TSHZ1: variants seen among roughly 807,000 people sequenced by gnomAD.
TSHZ1 encodes the protein teashirt homolog 1.
A neutral mutation model predicts 67.1 loss-of-function variants in TSHZ1; 12 were observed. That is an observed-to-expected ratio of 0.18 (90% CI 0.11 to 0.29). The LOEUF (loss-of-function observed/expected upper bound fraction) is 0.29. Among genes scored for constraint, TSHZ1 ranks in the 10% least tolerant of loss-of-function variants. The probability of loss-of-function intolerance (pLI) is 1.00; values close to 1 mark genes in which losing one functional copy is unlikely to be tolerated. For missense variants in TSHZ1, 1,305 were observed against 1,413.9 expected, an observed-to-expected ratio of 0.92 and a Z score of 1.23; for synonymous variants, 632 against 622.4, an observed-to-expected ratio of 1.02 and a Z score of -0.23.
chr18:75,253,881 G>GT (rs1449962234), intron 1 of TSHZ1, among the ~76,000 whole-genome samples: 1 of 152,190 alleles, frequency 6.6e-6, no homozygotes, highest in Non-Finnish European at 1.5e-5. Context: ...ATACCCACCA[G>GT]TTTTTCAGAT....
intron 1 of TSHZ1, among the ~76,000 whole-genome samples, chr18:75,215,767 T>G (rs940715610): frequency 1.3e-5 from 2 of 152,206 alleles, no homozygotes; most frequent in Non-Finnish European, 2.9e-5. Flanking sequence ...GATAAACAAT[T>G]TGTCTTAGTG....
intron 1 of TSHZ1, among the ~76,000 whole-genome samples, chr18:75,260,505 C>T (rs1386120046): frequency 6.6e-6 from 1 of 152,222 alleles, no homozygotes; most frequent in African/African-American, 2.4e-5. Context: ...AGAGCACCAG[C>T]AGAATCTCTG....
At chr18:75,275,082 G>A (rs1019338081) in intron 1 of TSHZ1, among the ~76,000 whole-genome samples, 1 of 152,216 alleles carries the variant, frequency 6.6e-6, no homozygotes, top group Non-Finnish European at 1.5e-5. Flanking sequence ...AGCAGCACAG[G>A]TGCCTGGTAC....
chr18:75,286,039 C>G lies in TSHZ1; in HGVS notation c.632C>G (p.Thr211Arg). 6.2e-7 allele frequency: 1 copy of G among 1,612,962 alleles called. No individual in the cohort carries two copies. Among genetic ancestry groups the G allele is most frequent in the Non-Finnish European group, 8.5e-7 (1 of 1,179,684 alleles). ...GCACTGGCCAAGACGCTGCAGCAGA[C>G]GTCCTCGTATGGGCTGCTTCCTGAG... ...QAALAKTLQQ[T>R]SSYGLLPEPS... is the part of the protein sequence containing the mutation. The change falls in exon 2 of 2, where the codon ACG (threonine) becomes AGG (arginine). Residue 211 changes from threonine (T) to arginine (R), a missense_variant. Transcript: ENST00000580243. This position sits in a 1 kb window ranked among gnomAD's most constrained non-coding sequence, Gnocchi z 5.1.
At chr18:75,278,759 G>A (rs2023646347) in intron 1 of TSHZ1, among the ~76,000 whole-genome samples, 1 of 152,148 alleles carries the variant, frequency 6.6e-6, no homozygotes, top group Admixed American at 6.5e-5. Context: ...GGCTGCTGGA[G>A]GTGGTCGTCC....
At chr18:75,220,818 C>T (rs2022836607) in intron 1 of TSHZ1, among the ~76,000 whole-genome samples, 1 of 152,096 alleles carries the variant, frequency 6.6e-6, no homozygotes, top group African/African-American at 2.4e-5. Context: ...TTTCTATGTC[C>T]ATTGTGTCTT....
At chr18:75,265,034 A>C (rs1322642344) in intron 1 of TSHZ1, among the ~76,000 whole-genome samples, 2 of 152,212 alleles carry the variant, frequency 1.3e-5, no homozygotes, top group African/African-American at 4.8e-5. Context: ...GTTTTAAAAT[A>C]TTTTAATTTC....
chr18:75,223,622 T>C (rs1346841440), intron 1 of TSHZ1, among the ~76,000 whole-genome samples: 1 of 135,878 alleles, frequency 7.4e-6, no homozygotes, highest in Non-Finnish European at 1.6e-5. Context: ...AAAGACAGAT[T>C]CCTTAAAAAA....
chr18:75,234,201 A>G (rs2023036695), intron 1 of TSHZ1, among the ~76,000 whole-genome samples: 2 of 152,206 alleles, frequency 1.3e-5, no homozygotes, highest in African/African-American at 4.8e-5. Context: ...CCTGTGGGCC[A>G]GAGAGAAACG....
Position 75,211,451 on chromosome 18 carries a change from A to G in TSHZ1, c.-426A>G, listed in dbSNP as rs1234853541. ...CTCGGCGACTCTCGGCTCGCGGAAG[A>G]AGGCGCAGGGGAGCGCCCGGAGCGG... On this transcript the variant is annotated 5_prime_UTR_variant, in exon 1 of 2. Coordinates refer to ENST00000580243, the MANE Select transcript of TSHZ1 (RefSeq NM_001308210.2). 2.0e-5 allele frequency: 3 copies of G among 150,868 alleles called. No homozygotes were observed. The highest frequency in any genetic ancestry group is 4.9e-5 in the African/African-American group (2 of 41,188). 9.3% of individuals were successfully genotyped at this position (150,868 alleles called of 1,614,324 possible).
chr18:75,211,903 C>T lies in TSHZ1; in HGVS notation c.27C>T (p.Pro9=). 8.3e-7 allele frequency: 1 copy of T among 1,202,370 alleles called. No individual in the cohort carries two copies. Among genetic ancestry groups the T allele is most frequent in the Non-Finnish European group, 1.0e-6 (1 of 969,074 alleles). The allele number at this position is 1,202,370 out of a possible 1,614,324, so 74.5% of individuals were successfully genotyped here. A position where few individuals can be genotyped will look rare whatever the true frequency, so the allele number is the denominator to read the frequency against. MPRRKQQA[P]RRSAAYVPEE... Reference sequence around the variant, plus strand: ...TGCCGAGGAGGAAGCAGCAGGCCCCCCGGCGCTCGGCAGGTAACGGGCGCG... The same window carrying T: ...TGCCGAGGAGGAAGCAGCAGGCCCCTCGGCGCTCGGCAGGTAACGGGCGCG... Residue 9 remains proline, a synonymous_variant, in exon 1 of 2, where the codon CCC becomes CCT. Coordinates refer to ENST00000580243, the MANE Select transcript of TSHZ1 (RefSeq NM_001308210.2).
In TSHZ1 at chr18:75,288,244, A is replaced by C. The variant is rs1290652189; in HGVS notation, c.2837A>C (p.Asn946Thr). The C allele has an allele frequency of 1.9e-6, 3 of 1,614,110 alleles. No homozygotes were observed. The highest frequency in any genetic ancestry group is 2.5e-6 in the Non-Finnish European group (3 of 1,180,048). Reference sequence around the variant, plus strand: ...ACCACCATCAGCCACTGGCTGGCCAATGTGAAGTACCAGTTGAGGAGGACA... The same window carrying C: ...ACCACCATCAGCCACTGGCTGGCCACTGTGAAGTACCAGTTGAGGAGGACA... ...SMTTISHWLA[N>T]VKYQLRRTGG... The change falls in exon 2 of 2, where the codon AAT (asparagine) becomes ACT (threonine). Residue 946 changes from asparagine to threonine, a missense_variant. This residue lies in a region of TSHZ1 where 909 missense variants were observed against 961.8 expected (regional missense o/e 0.95). Transcript: ENST00000580243. This position sits in a 1 kb window ranked among gnomAD's most constrained non-coding sequence, Gnocchi z 4.9.
intron 1 of TSHZ1, among the ~76,000 whole-genome samples, chr18:75,278,480 ACT>A (rs1392301200): frequency 6.6e-6 from 1 of 151,296 alleles, no homozygotes; most frequent in African/African-American, 2.4e-5. Context: ...TCTAAATGAA[ACT>A]CTGTTGATTT....
At chr18:75,214,097 A>G (rs2022734833) in intron 1 of TSHZ1, among the ~76,000 whole-genome samples, 4 of 152,228 alleles carry the variant, frequency 2.6e-5, no homozygotes, top group Admixed American at 2.6e-4. Context: ...TTTGATTCCA[A>G]ACCTGTGGGA....
chr18:75,215,557 CA>C (rs1174374145), intron 1 of TSHZ1, among the ~76,000 whole-genome samples: 1 of 152,202 alleles, frequency 6.6e-6, no homozygotes, highest in Non-Finnish European at 1.5e-5. Context: ...TTGTAGCTCT[CA>C]GTTGAACAGA....
At chr18:75,263,493 T>A (rs1053826199) in intron 1 of TSHZ1, among the ~76,000 whole-genome samples, 11 of 152,242 alleles carry the variant, frequency 7.2e-5, no homozygotes, top group Non-Finnish European at 1.2e-4. Flanking sequence ...CAAGTGAATG[T>A]TAGCATTCCT....
In TSHZ1 at chr18:75,288,229, G is replaced by T; in HGVS notation, c.2822G>T (p.Ser941Ile). 1 of 1,614,220 alleles carries T rather than the reference G, an allele frequency of 6.2e-7. No homozygotes were observed. The highest frequency in any genetic ancestry group is 8.5e-7 in the Non-Finnish European group (1 of 1,180,042). Residue 941 changes from serine (S) to isoleucine (I), a missense_variant, in exon 2 of 2, where the codon AGC becomes ATC. By Grantham distance (142) the Ser-to-Ile change is moderately radical (BLOSUM62 -2). This residue lies in a region of TSHZ1 where 909 missense variants were observed against 961.8 expected (regional missense o/e 0.95). Transcript: ENST00000580243. This position sits in a 1 kb window ranked among gnomAD's most constrained non-coding sequence, Gnocchi z 4.9. ...ACTGGGCTCTCCATGACCACCATCA[G>T]CCACTGGCTGGCCAATGTGAAGTAC... ...KFTGLSMTTISHWLANVKYQL... is the reference protein window; with the variant it reads ...KFTGLSMTTIIHWLANVKYQL...
intron 1 of TSHZ1, among the ~76,000 whole-genome samples, chr18:75,236,562 T>C (rs1429059946): frequency 2.0e-5 from 3 of 152,176 alleles, no homozygotes; most frequent in Non-Finnish European, 4.4e-5. Context: ...CTGATAATAA[T>C]AACAATAGCT....
intron 1 of TSHZ1, among the ~76,000 whole-genome samples, chr18:75,222,457 G>GTGAACAGTGGAAGTGCAC (rs1272382419): frequency 2.0e-5 from 3 of 152,138 alleles, no homozygotes; most frequent in African/African-American, 4.8e-5. Context: ...GTTCACAAAA[G>GTGAACAGTGGAAGTGCAC]ATCGTTGTCT....
Sources: gnomAD v4.1 joint callset for allele counts (sites outside exome capture counted in the v4.1 genomes callset) on GRCh38, gnomAD v4.1.1 for gene constraint, gnomAD v4.1.1 regional missense constraint, Gnocchi (gnomAD v3.1) non-coding constraint, MANE v1.5 for transcripts, NCBI Gene and HGNC (gene_info 2026-07-23, HGNC 2026-07-21) for gene names.